FBXL13: variants seen among roughly 807,000 people sequenced by gnomAD.
The protein encoded by FBXL13 is F-box and leucine-rich repeat protein 13.
FBXL13 carries 67 observed loss-of-function variants against 83.6 expected under a neutral mutation model. The ratio of observed to expected loss-of-function variants is 0.80; its 90% CI spans 0.66 to 0.98. FBXL13 has a LOEUF of 0.98. Among genes scored for constraint, FBXL13 ranks in the 50% least tolerant of loss-of-function variants. FBXL13 has a pLI of 0.00. For synonymous variants in FBXL13, 272 were observed against 299.5 expected, an observed-to-expected ratio of 0.91 and a Z score of 0.95; for missense variants, 822 against 866.5, an observed-to-expected ratio of 0.95 and a Z score of 0.64.
chr7:102,910,410 G>A (rs186606202), intron 11 of FBXL13, among the ~76,000 whole-genome samples: 1 of 151,770 alleles, frequency 6.6e-6, no homozygotes, highest in African/African-American at 2.4e-5. Flanking sequence ...TGTGTGTTGG[G>A]GGGAGGGGGT....
At chr7:102,881,469 C>T (rs1810061820) in intron 14 of FBXL13, among the ~76,000 whole-genome samples, 1 of 151,186 alleles carries the variant, frequency 6.6e-6, no homozygotes, top group African/African-American at 2.4e-5. Context: ...AATAATTAAC[C>T]CGCAGAAGCC....
rs115523904 is a variant in FBXL13, at chr7:102,938,620, G to T, written c.725-6687C>A. On this transcript the variant is annotated intron_variant, in intron 8 of 19. Transcript: ENST00000313221. Reference sequence around the variant, plus strand: ...ATATATGAAATGTGCATACCACATAGTACCTGGACTAGAAATAGGGGCATT... The same window carrying T: ...ATATATGAAATGTGCATACCACATATTACCTGGACTAGAAATAGGGGCATT... Among the ~76,000 whole-genome samples, 721 of 152,310 alleles carry T rather than the reference G, an allele frequency of 4.7e-3. 5 individuals carry two copies. Among genetic ancestry groups the T allele is most frequent in the African/African-American group, 0.016 (681 of 41,572 alleles).
chr7:102,819,637 G>A (rs1466600442), intron 19 of FBXL13, among the ~76,000 whole-genome samples: 1 of 152,180 alleles, frequency 6.6e-6, no homozygotes, highest in East Asian at 1.9e-4. Flanking sequence ...ATGGAATCAA[G>A]CATGTGGAGA....
At chr7:103,000,881 A>G (rs1285442515) in intron 6 of FBXL13, among the ~76,000 whole-genome samples, 4 of 152,104 alleles carry the variant, frequency 2.6e-5, no homozygotes. Flanking sequence ...TGCATCTATT[A>G]TATCTGATAT....
In FBXL13 at chr7:102,982,218, T is replaced by A. The variant is rs149599545; in HGVS notation, c.496-14101A>T. ...ACTTTTAGTTCGATAGAACTATCAT[T>A]GTGCGTCCTGGTGTAAACATTCCTC... On this transcript the variant is annotated intron_variant, in intron 6 of 19. Coordinates refer to ENST00000313221, the Ensembl canonical transcript of FBXL13. 4.8e-3 allele frequency among the ~76,000 whole-genome samples: 725 copies of A among 152,256 alleles called. 6 individuals carry two copies. Among genetic ancestry groups the A allele is most frequent in the African/African-American group, 0.016 (685 of 41,530 alleles).
At chr7:103,062,599 TA>T (rs1158700649) in intron 1 of FBXL13, among the ~76,000 whole-genome samples, 1,690 of 141,990 alleles carry the variant, frequency 0.012, 28 homozygotes, top group African/African-American at 0.039. Flanking sequence ...TCAGGTGACT[TA>T]AAAAAAAAAA....
chr7:103,064,826 T>C (rs975999808), intron 1 of FBXL13, among the ~76,000 whole-genome samples: 3 of 152,172 alleles, frequency 2.0e-5, no homozygotes, highest in Non-Finnish European at 4.4e-5. Context: ...TCAGCTACCA[T>C]ACTGTGAGGA....
intron 2 of FBXL13, among the ~76,000 whole-genome samples, chr7:103,053,989 G>T (rs1439356316): frequency 6.6e-6 from 1 of 152,076 alleles, no homozygotes; most frequent in Non-Finnish European, 1.5e-5. Flanking sequence ...AATTGTTTTT[G>T]CCTCTCAGCC....
intron 6 of FBXL13, among the ~76,000 whole-genome samples, chr7:103,021,814 A>G (rs923978952): frequency 6.6e-6 from 1 of 152,216 alleles, no homozygotes; most frequent in Non-Finnish European, 1.5e-5. Context: ...AATGGTGATC[A>G]TTAAAAAGTC....
At chr7:102,947,852 T>C (rs938608047) in intron 8 of FBXL13, among the ~76,000 whole-genome samples, 2 of 152,154 alleles carry the variant, frequency 1.3e-5, no homozygotes, top group Non-Finnish European at 2.9e-5. Context: ...CAAGATTTAC[T>C]ATAAACGGAG....
intron 16 of FBXL13, among the ~76,000 whole-genome samples, chr7:102,861,840 G>A (rs1029119302): frequency 1.3e-5 from 2 of 151,948 alleles, no homozygotes; most frequent in African/African-American, 4.8e-5. Context: ...AAATTATCCG[G>A]GCATGGTGGC....
chr7:102,837,735 G>A, intron 17 of FBXL13, among the ~76,000 whole-genome samples: 1 of 152,104 alleles, frequency 6.6e-6, no homozygotes, highest in East Asian at 1.9e-4. Context: ...TAGAGACAGG[G>A]TCTCACTATG....
intron 11 of FBXL13, among the ~76,000 whole-genome samples, chr7:102,907,319 TC>T (rs1259503015): frequency 3.3e-5 from 5 of 152,186 alleles, no homozygotes; most frequent in African/African-American, 9.7e-5. Flanking sequence ...TGTTTTTCAT[TC>T]TTTTTTTTTA....
chr7:102,940,548 A>AT (rs991334859), intron 8 of FBXL13, among the ~76,000 whole-genome samples: 54 of 152,076 alleles, frequency 3.6e-4, no homozygotes, highest in Middle Eastern at 3.4e-3. Flanking sequence ...CAAATTTGGA[A>AT]TTTTTTTTGC....
intron 6 of FBXL13, among the ~76,000 whole-genome samples, chr7:103,012,374 CAAA>C (rs774447997): frequency 1.5e-4 from 8 of 52,946 alleles, no homozygotes; most frequent in Admixed American, 2.2e-4. Flanking sequence ...AACTCCAACT[CAAA>C]AAAAAAAAAA....
chr7:102,864,279 C>T (rs1345765764), intron 16 of FBXL13, among the ~76,000 whole-genome samples: 3 of 152,184 alleles, frequency 2.0e-5, no homozygotes, highest in Non-Finnish European at 4.4e-5. Flanking sequence ...GCCTCCAGGC[C>T]TTATCATCTG....
At chr7:103,001,617 G>C (rs1282482763) in intron 6 of FBXL13, among the ~76,000 whole-genome samples, 1 of 152,204 alleles carries the variant, frequency 6.6e-6, no homozygotes, top group Admixed American at 6.5e-5. Context: ...AGCATAGCTA[G>C]AACAAAGCAG....
At chr7:102,881,918 A>G (rs1810148612) in intron 14 of FBXL13, among the ~76,000 whole-genome samples, 1 of 152,098 alleles carries the variant, frequency 6.6e-6, no homozygotes, top group African/African-American at 2.4e-5. Context: ...TCCAGCTCCC[A>G]ATGACCCATG....
intron 8 of FBXL13, among the ~76,000 whole-genome samples, chr7:102,950,087 C>T (rs1386591636): frequency 1.3e-5 from 2 of 151,888 alleles, no homozygotes; most frequent in Non-Finnish European, 2.9e-5. Flanking sequence ...TCTGGGCGAA[C>T]CAGCAAGACT....
Sources: gnomAD v4.1 joint callset for allele counts (sites outside exome capture counted in the v4.1 genomes callset) on GRCh38, gnomAD v4.1.1 for gene constraint, MANE v1.5 for transcripts, NCBI Gene and HGNC (gene_info 2026-07-23, HGNC 2026-07-21) for gene names.